SV2B: variants seen among roughly 807,000 people sequenced by gnomAD.
SV2B encodes solute carrier family 22 member B2.
SV2B carries 41 observed loss-of-function variants against 73.9 expected under a neutral mutation model. The ratio of observed to expected loss-of-function variants is 0.56; its 90% CI spans 0.43 to 0.72. The LOEUF (loss-of-function observed/expected upper bound fraction) is 0.72. Among genes scored for constraint, SV2B ranks in the 30% least tolerant of loss-of-function variants. The pLI, the probability that SV2B is intolerant of heterozygous loss-of-function variation, is 0.00. For missense variants in SV2B, 764 were observed against 857.8 expected (o/e 0.89, Z 1.37); for synonymous variants, 314 against 314.2 (o/e 1.00, Z 0.01).
chr15:91,179,986 C>G (rs553151128), intron 1 of SV2B, among the ~76,000 whole-genome samples: 1 of 151,452 alleles, frequency 6.6e-6, no homozygotes, highest in Admixed American at 6.6e-5. Context: ...TCTTCCTAGT[C>G]TCGATGGTCT....
rs1447308905 is a variant in SV2B, at chr15:91,223,276, TA to T, written c.-391-2596del. Among the ~76,000 whole-genome samples the T allele has an allele frequency of 6.6e-6, 1 of 152,222 alleles. No homozygotes were observed. Among genetic ancestry groups the T allele is most frequent in the Non-Finnish European group, 1.5e-5 (1 of 68,032 alleles). On this transcript the variant is annotated intron_variant, in intron 1 of 12. Transcript: ENST00000394232. This position sits in a 1 kb window ranked among gnomAD's most constrained non-coding sequence, Gnocchi z 4.6. ...GGTGCCGGCAGTCAGAACTTCAACA[TA>T]CCTTCACGCTATAGGGACACAATTC...
chr15:91,173,289 G>T (rs2044188421), intron 1 of SV2B, among the ~76,000 whole-genome samples: 1 of 152,168 alleles, frequency 6.6e-6, no homozygotes, highest in South Asian at 2.1e-4. Flanking sequence ...GAGAGTGCAG[G>T]AGAAGGAGTT....
At chr15:91,168,411 G>T (rs2043997898) in intron 1 of SV2B, among the ~76,000 whole-genome samples, 1 of 152,088 alleles carries the variant, frequency 6.6e-6, no homozygotes, top group Non-Finnish European at 1.5e-5. Context: ...TGAGTTGTGG[G>T]TGCCCTTGTG....
At chr15:91,114,936 T>C (rs187160107) in intron 1 of SV2B, among the ~76,000 whole-genome samples, 60 of 152,262 alleles carry the variant, frequency 3.9e-4, no homozygotes, top group African/African-American at 1.3e-3. Context: ...TTTTCTAGCT[T>C]TGTGTGCTCA....
chr15:91,247,328 G>A (rs2047275907), intron 2 of SV2B, among the ~76,000 whole-genome samples: 1 of 152,192 alleles, frequency 6.6e-6, no homozygotes, highest in African/African-American at 2.4e-5. Flanking sequence ...CATCTAACTT[G>A]TAAAGTTTTT....
intron 1 of SV2B, among the ~76,000 whole-genome samples, chr15:91,208,240 G>A (rs180790322): frequency 6.6e-6 from 1 of 152,238 alleles, no homozygotes; most frequent in Non-Finnish European, 1.5e-5. Context: ...ATACCACTAA[G>A]CCCTCTGCAT....
At chr15:91,285,458 G>A (rs1596791684) in intron 11 of SV2B, among the ~76,000 whole-genome samples, 1 of 152,288 alleles carries the variant, frequency 6.6e-6, no homozygotes, top group East Asian at 1.9e-4. Context: ...TGATCAGAAC[G>A]GAAGAAGATG....
chr15:91,225,015 A>T (rs1214052828), intron 1 of SV2B, among the ~76,000 whole-genome samples: 1 of 152,240 alleles, frequency 6.6e-6, no homozygotes, highest in Non-Finnish European at 1.5e-5. Context: ...TCAAGGCTTA[A>T]ATAGTATTTA....
Position 91,231,503 on chromosome 15 carries a change from A to G in SV2B, c.451+4789A>G, listed in dbSNP as rs1017974461. ...GTGGGAGCCTTGTCTCCCTGGAGCTATTACTATTAAATGGCAAAAACTGCA... is the reference window on the plus strand; with the variant it reads ...GTGGGAGCCTTGTCTCCCTGGAGCTGTTACTATTAAATGGCAAAAACTGCA... On this transcript the variant is annotated intron_variant, in intron 2 of 12. Coordinates refer to ENST00000394232, the MANE Select transcript of SV2B (RefSeq NM_001323032.3). The surrounding 1 kb of genome is among the most constrained non-coding windows in gnomAD (Gnocchi z 4.5). 1.3e-5 allele frequency among the ~76,000 whole-genome samples: 2 copies of G among 152,192 alleles called. No individual in the cohort carries two copies. The highest frequency in any genetic ancestry group is 2.9e-5 in the Non-Finnish European group (2 of 68,036).
chr15:91,276,158 CTTTA>C lies in SV2B; in HGVS notation c.1374-5563_1374-5560del, dbSNP rs202000629. On this transcript the variant is annotated intron_variant, in intron 9 of 12. Coordinates refer to ENST00000394232, the MANE Select transcript of SV2B (RefSeq NM_001323032.3). ...GATGAGAAGTCTGCTGTATTCTTAT[CTTTA>C]TTTATTAATTTTTTTGTATGTAACA... Among the ~76,000 whole-genome samples, 103 of 149,704 alleles carry C rather than the reference CTTTA, an allele frequency of 6.9e-4. 2 individuals carry two copies. Among genetic ancestry groups the C allele is most frequent in the African/African-American group, 2.3e-3 (92 of 40,756 alleles).
At chr15:91,201,597 C>T (rs1392622004) in intron 1 of SV2B, among the ~76,000 whole-genome samples, 2 of 152,218 alleles carry the variant, frequency 1.3e-5, no homozygotes, top group African/African-American at 4.8e-5. Flanking sequence ...CCTGATCCCA[C>T]CCTGTCTTCA....
chr15:91,266,821 G>T, intron 7 of SV2B, 129 bp downstream of exon 7: 3 of 680,738 alleles, frequency 4.4e-6, no homozygotes, highest in Non-Finnish European at 7.0e-6. Context: ...AAGCAACCCT[G>T]GAGGGGGGCG....
At chr15:91,264,865 T>A in intron 6 of SV2B, among the ~76,000 whole-genome samples, 1 of 152,166 alleles carries the variant, frequency 6.6e-6, no homozygotes, top group East Asian at 1.9e-4. Flanking sequence ...CCAGCATGCG[T>A]GCCAGTTACT....
At chr15:91,215,150 C>G (rs2141441110) in intron 1 of SV2B, among the ~76,000 whole-genome samples, 1 of 152,346 alleles carries the variant, frequency 6.6e-6, no homozygotes, top group Non-Finnish European at 1.5e-5. Context: ...AGTCCAAGCA[C>G]CAGCCCCTCA....
chr15:91,224,640 C>T lies in SV2B; in HGVS notation c.-391-1233C>T, dbSNP rs2046317132. 6.6e-6 allele frequency among the ~76,000 whole-genome samples: 1 copy of T among 152,180 alleles called. No individual in the cohort carries two copies. Among genetic ancestry groups the T allele is most frequent in the African/African-American group, 2.4e-5 (1 of 41,432 alleles). ...CATTGGAACGAGCTGGCTTTGGGAC[C>T]AGTGACCTGGTCCTAATGCTGTGAC... On this transcript the variant is annotated intron_variant, in intron 1 of 12. Transcript: ENST00000394232. The surrounding 1 kb of genome is among the most constrained non-coding windows in gnomAD (Gnocchi z 4.9).
In SV2B at chr15:91,229,081, C is replaced by T. The variant is rs967599567; in HGVS notation, c.451+2367C>T. Among the ~76,000 whole-genome samples, 13 of 152,224 alleles carry T rather than the reference C, an allele frequency of 8.5e-5. No homozygotes were observed. The highest frequency in any genetic ancestry group is 2.4e-4 in the African/African-American group (10 of 41,456). On this transcript the variant is annotated intron_variant, in intron 2 of 12. Transcript: ENST00000394232. The surrounding 1 kb of genome is among the most constrained non-coding windows in gnomAD (Gnocchi z 4.3). ...GCCACACCATACTGCCTTTCTCTCA[C>T]GCCTCGTTTGTGGGAAGGAGGTCAT...
At chr15:91,271,248 C>T (rs1228799380) in intron 9 of SV2B, among the ~76,000 whole-genome samples, 1 of 152,186 alleles carries the variant, frequency 6.6e-6, no homozygotes, top group Non-Finnish European at 1.5e-5. Flanking sequence ...GGGGTGACAC[C>T]ATTCCCTGCA....
chr15:91,221,146 G>A (rs1380583094), intron 1 of SV2B, among the ~76,000 whole-genome samples: 2 of 152,176 alleles, frequency 1.3e-5, no homozygotes, highest in African/African-American at 2.4e-5. Context: ...GATTACAGGT[G>A]TGAGCCCTCA....
Position 91,118,720 on chromosome 15 carries a change from A to G in SV2B, c.-392+18357A>G, listed in dbSNP as rs1444640751. On this transcript the variant is annotated intron_variant, in intron 1 of 12. Transcript: ENST00000394232. The surrounding 1 kb of genome is among the most constrained non-coding windows in gnomAD (Gnocchi z 4.7). ...ATACACAGAAGCCACCACATCAGACAGCCCAGTCCAAACCAGAGCCATGCC... is the reference window on the plus strand; with the variant it reads ...ATACACAGAAGCCACCACATCAGACGGCCCAGTCCAAACCAGAGCCATGCC... Among the ~76,000 whole-genome samples the G allele has an allele frequency of 6.6e-6, 1 of 152,222 alleles. No individual in the cohort carries two copies. Among genetic ancestry groups the G allele is most frequent in the Non-Finnish European group, 1.5e-5 (1 of 68,026 alleles).
Sources: allele counts gnomAD v4.1 joint callset (sites outside exome capture counted in the v4.1 genomes callset), GRCh38; gene constraint gnomAD v4.1.1; non-coding constraint Gnocchi (gnomAD v3.1); transcripts MANE v1.5; gene names NCBI Gene and HGNC (gene_info 2026-07-23, HGNC 2026-07-21).